Variants in HERC4 observed in about 807,000 individuals in gnomAD.
The protein encoded by HERC4 is HECT and RLD domain containing E3 ubiquitin protein ligase 4.
Under a neutral mutation model 124.3 loss-of-function variants are expected in HERC4, and 28 were observed. That is an observed-to-expected ratio of 0.23 (90% confidence interval 0.17 to 0.31). The LOEUF (loss-of-function observed/expected upper bound fraction) is 0.31, where lower values mean the gene tolerates loss of function less well. HERC4 is among the 10% of genes least tolerant of loss of function. The pLI, the probability that HERC4 is intolerant of heterozygous loss-of-function variation, is 1.00. For missense variants in HERC4, 713 were observed against 1,229.3 expected, an observed-to-expected ratio of 0.58 and a Z score of 6.28; for synonymous variants, 407 against 421.5, an observed-to-expected ratio of 0.97 and a Z score of 0.42.
At chr10:67,941,999 C>T (rs965644673) in intron 19 of HERC4, among the ~76,000 whole-genome samples, 3 of 152,050 alleles carry the variant, frequency 2.0e-5, no homozygotes, top group African/African-American at 7.3e-5. Flanking sequence ...CATAAAAGTA[C>T]AATGAGTTGC....
At chr10:67,986,858 G>T (rs1490384801) in intron 15 of HERC4, among the ~76,000 whole-genome samples, 1 of 151,960 alleles carries the variant, frequency 6.6e-6, no homozygotes, top group African/African-American at 2.4e-5. Flanking sequence ...TACTATATGT[G>T]ATCTAGAATA....
intron 3 of HERC4, chr10:68,068,044 T>C (rs2041381830): frequency 6.6e-6 from 1 of 152,214 alleles, no homozygotes; most frequent in Admixed American, 6.5e-5. Flanking sequence ...TATAAGATAG[T>C]AATTTTTTAA....
chr10:68,022,367 C>T (rs1010697652), intron 8 of HERC4, among the ~76,000 whole-genome samples: 1 of 152,032 alleles, frequency 6.6e-6, no homozygotes, highest in East Asian at 1.9e-4. Flanking sequence ...GGCAAGGTGG[C>T]GCATGCCTGT....
chr10:68,037,877 CA>C (rs2039558687), intron 5 of HERC4, among the ~76,000 whole-genome samples: 1 of 151,986 alleles, frequency 6.6e-6, no homozygotes, highest in Non-Finnish European at 1.5e-5. Flanking sequence ...ATAGAGACAA[CA>C]AAATCCCAAA....
At chr10:68,025,267 A>C (rs1564562457) in intron 8 of HERC4, among the ~76,000 whole-genome samples, 1 of 152,158 alleles carries the variant, frequency 6.6e-6, no homozygotes, top group Non-Finnish European at 1.5e-5. Flanking sequence ...GGAAAAGAGA[A>C]AGAAAGAAGC....
chr10:68,032,383 T>C (rs2039253859), intron 7 of HERC4, among the ~76,000 whole-genome samples: 1 of 152,168 alleles, frequency 6.6e-6, no homozygotes, highest in South Asian at 2.1e-4. Context: ...GTATGAAGTA[T>C]TTATAAGCCA....
chr10:67,983,786 C>CAAAAAAA (rs61012367), intron 15 of HERC4, among the ~76,000 whole-genome samples: 2 of 100,148 alleles, frequency 2.0e-5, no homozygotes, highest in Admixed American at 2.3e-4. Flanking sequence ...GACTCTGTCT[C>CAAAAAAA]AAAAAAAAAA....
chr10:67,974,542 G>A (rs1430493441), intron 15 of HERC4, among the ~76,000 whole-genome samples: 4 of 152,186 alleles, frequency 2.6e-5, no homozygotes, highest in Admixed American at 1.3e-4. Flanking sequence ...CCAAACAGGT[G>A]CTCAATAAAT....
At chr10:67,988,391 A>T (rs1178343338) in intron 15 of HERC4, among the ~76,000 whole-genome samples, 2 of 152,120 alleles carry the variant, frequency 1.3e-5, no homozygotes, top group African/African-American at 4.8e-5. Flanking sequence ...ATAAGGAAAT[A>T]TAAGGAGAAT....
intron 9 of HERC4, among the ~76,000 whole-genome samples, chr10:68,009,520 T>C (rs1332797509): frequency 6.6e-6 from 1 of 152,218 alleles, no homozygotes; most frequent in Non-Finnish European, 1.5e-5. Flanking sequence ...TAACGATCAA[T>C]TGAGGCTTTG....
At chr10:67,967,825 A>AGGG (rs756613467) in intron 15 of HERC4, among the ~76,000 whole-genome samples, 98 of 151,932 alleles carry the variant, frequency 6.5e-4, no homozygotes, top group South Asian at 1.9e-3. Context: ...TAAACATCAC[A>AGGG]ATGAGGAAAC....
At chr10:68,071,883 A>G (rs938543272) in intron 3 of HERC4, among the ~76,000 whole-genome samples, 1 of 152,234 alleles carries the variant, frequency 6.6e-6, no homozygotes, top group Non-Finnish European at 1.5e-5. Flanking sequence ...CAGTATTTGC[A>G]AGTTAGAAAA....
intron 9 of HERC4, chr10:68,010,652 C>T: frequency 6.9e-7 from 1 of 1,457,110 alleles, no homozygotes; most frequent in South Asian, 1.2e-5. Flanking sequence ...TGTCGGCTTC[C>T]TCCACCCACT....
At chr10:68,052,056 G>A (rs1481109660) in intron 3 of HERC4, among the ~76,000 whole-genome samples, 1 of 151,958 alleles carries the variant, frequency 6.6e-6, no homozygotes, top group Admixed American at 6.6e-5. Flanking sequence ...ATGAGTCACA[G>A]TATTTCTCTT....
chr10:68,039,703 A>T, intron 4 of HERC4: 1 of 1,357,962 alleles, frequency 7.4e-7, no homozygotes, highest in Non-Finnish European at 9.5e-7. Context: ...AAATAGCAAA[A>T]TCAAACACTG....
rs1221077553 is a variant in HERC4 at position 67,939,449 on chromosome 10, T to C, written c.2571+139A>G. 8.7e-6 allele frequency: 5 copies of C among 577,940 alleles called. No individual in the cohort carries two copies. In the Admixed American group the frequency reaches 1.3e-4, roughly 15 times the overall value. 35.8% of individuals were successfully genotyped at this position (577,940 alleles called of 1,614,324 possible). On this transcript the variant is annotated intron_variant, in intron 21 of 24. Coordinates refer to ENST00000373700, the MANE Select transcript of HERC4 (RefSeq NM_015601.4). ...ATGCATGTACTATGACTAGCTAGCA[T>C]GTAGTAAATGCTCAATAAATGTTAG... is the stretch of plus-strand genomic sequence containing the variant.
In HERC4 at chr10:67,991,045, G is replaced by A. The variant is rs542595815; in HGVS notation, c.1332-30C>T. On this transcript the variant is annotated intron_variant, in intron 12 of 24. Coordinates refer to ENST00000373700, the MANE Select transcript of HERC4 (RefSeq NM_015601.4). ...AAAACAGAAAAGAAAAAAAAAAATA[G>A]AATAAAAATTTAAAATTATTTCATT... 1.1e-4 allele frequency: 151 copies of A among 1,342,944 alleles called. 2 individuals carry two copies. In the South Asian group the frequency reaches 2.2e-3, roughly 20 times the overall value. 83.2% of individuals were successfully genotyped at this position (1,342,944 alleles called of 1,614,324 possible). A position where few individuals can be genotyped will look rare whatever the true frequency, so the allele number is the denominator to read the frequency against.
intron 15 of HERC4, among the ~76,000 whole-genome samples, chr10:67,979,701 A>C (rs1238747269): frequency 2.0e-5 from 3 of 152,100 alleles, no homozygotes; most frequent in East Asian, 3.9e-4. Flanking sequence ...ACAGAAAGAG[A>C]AAAAAACAAG....
chr10:68,028,364 G>T (rs528482243), intron 7 of HERC4, among the ~76,000 whole-genome samples: 2 of 151,960 alleles, frequency 1.3e-5, no homozygotes, highest in South Asian at 4.1e-4. Flanking sequence ...TTTTTTTATA[G>T]ATCTGATGTT....
Sources: allele counts gnomAD v4.1 joint callset (sites outside exome capture counted in the v4.1 genomes callset), GRCh38; gene constraint gnomAD v4.1.1; transcripts MANE v1.5; gene names NCBI Gene and HGNC (gene_info 2026-07-23, HGNC 2026-07-21).